The following CYP2A13 variants were observed in gnomAD, a reference collection of about 807,000 sequenced individuals.
CYP2A13 encodes the protein cytochrome P450 2A13.
CYP2A13 carries 30 observed loss-of-function variants against 39.4 expected under a neutral mutation model. The observed-to-expected ratio is 0.76, with a 90% CI of 0.57 to 1.03. CYP2A13 has a LOEUF of 1.03. Among genes scored for constraint, CYP2A13 ranks in the 50% least tolerant of loss-of-function variants. The pLI, the probability that CYP2A13 is intolerant of heterozygous loss-of-function variation, is 0.00. For missense variants in CYP2A13, 731 were observed against 648.4 expected, an observed-to-expected ratio of 1.13 and a Z score of -1.38; for synonymous variants, 269 against 254.7, an observed-to-expected ratio of 1.06 and a Z score of -0.54.
intron 8 of CYP2A13, 94 bp from the exon 9 acceptor site, chr19:41,095,666 C>T: frequency 1.3e-6 from 2 of 1,496,180 alleles, no homozygotes; most frequent in Non-Finnish European, 1.8e-6. Flanking sequence ...ATATTCCACC[C>T]CTCCTCCCTA....
At chr19:41,094,837 C>T in intron 7 of CYP2A13, 122 bp from the exon 8 acceptor site, 1 of 1,145,112 alleles carries the variant, frequency 8.7e-7, no homozygotes, top group South Asian at 1.4e-5. Flanking sequence ...CAGAGGTCCC[C>T]AACTCCTCCA....
intron 5 of CYP2A13, 138 bp from the exon 6 acceptor site, chr19:41,093,492 G>A: frequency 2.0e-6 from 2 of 1,005,390 alleles, no homozygotes; most frequent in East Asian, 2.6e-5. Context: ...GCTGGAACCT[G>A]GAGCGAGTTT....
At chr19:41,089,840 C>G (rs1305754701) in intron 2 of CYP2A13, among the ~76,000 whole-genome samples, 45 of 129,936 alleles carry the variant, frequency 3.5e-4, no homozygotes, top group Admixed American at 8.0e-4. Flanking sequence ...CTCTCTCTCT[C>G]TCTCTCTCTC....
chr19:41,094,236 C>CT lies in CYP2A13; in HGVS notation c.974-8dup, dbSNP rs567893359. 208 of 1,613,578 alleles carry CT rather than the reference C, an allele frequency of 1.3e-4. 1 individual carries two copies. Among genetic ancestry groups the CT allele is most frequent in the Non-Finnish European group, 1.6e-4 (194 of 1,179,628 alleles). On this transcript the variant is annotated splice_polypyrimidine_tract_variant and intron_variant, in intron 6 of 8. Transcript: ENST00000330436. ...CTAGACACCTAAACACATTCCCCTCCTCCCCCAGCCAAGGTCCATGAGGAG... is the reference window on the plus strand; with the variant it reads ...CTAGACACCTAAACACATTCCCCTCCTTCCCCCAGCCAAGGTCCATGAGGAG...
At chr19:41,095,143 C>A in intron 8 of CYP2A13, 43 bp downstream of exon 8, 1 of 1,613,924 alleles carries the variant, frequency 6.2e-7, no homozygotes, top group Non-Finnish European at 8.5e-7. Flanking sequence ...CTCACACCAG[C>A]AGGGGCCTCT....
chr19:41,089,860 CT>C (rs1568366729), intron 2 of CYP2A13, among the ~76,000 whole-genome samples, 186 bp from the exon 3 acceptor site: 3 of 103,936 alleles, frequency 2.9e-5, no homozygotes, highest in African/African-American at 1.2e-4. Context: ...CTCTCTCTCT[CT>C]CTCTCTCTCT....
chr19:41,090,466 G>C lies in CYP2A13; in HGVS notation c.556G>C (p.Val186Leu). ...RTVSNVISSI[V>L]FGDRFDYEDK... ...AGTCTCCAATGTCATCAGCTCCATT[G>C]TCTTTGGGGACCGCTTTGACTATGA... Residue 186 changes from valine to leucine, a missense_variant, in exon 4 of 9, where the codon GTC (valine) becomes CTC (leucine). Coordinates refer to ENST00000330436, the MANE Select transcript of CYP2A13 (RefSeq NM_000766.5). 6.2e-7 allele frequency: 1 copy of C among 1,614,138 alleles called. No individual in the cohort carries two copies. The highest frequency in any genetic ancestry group is 8.5e-7 in the Non-Finnish European group (1 of 1,180,022).
chr19:41,089,799 A>C (rs947581578), intron 2 of CYP2A13, among the ~76,000 whole-genome samples: 98 of 54,752 alleles, frequency 1.8e-3, no homozygotes, highest in South Asian at 2.8e-3. Flanking sequence ...TATTCTTTCT[A>C]CCCGGTCTCT....
intron 8 of CYP2A13, 26 bp downstream of exon 8, chr19:41,095,126 G>C: frequency 6.2e-7 from 1 of 1,613,968 alleles, no homozygotes; most frequent in Non-Finnish European, 8.5e-7. Flanking sequence ...TTGCTGCCAG[G>C]CCACGGCTCA....
chr19:41,094,454 C>A (rs2031258731), intron 7 of CYP2A13, 22 bp downstream of exon 7: 1 of 1,613,810 alleles, frequency 6.2e-7, no homozygotes, highest in Non-Finnish European at 8.5e-7. Context: ...CCTCCACCAC[C>A]ACCACTCAGA....
rs531621850 is a variant in CYP2A13, at chr19:41,090,409, A to C, written c.499A>C (p.Asn167His). ...IDALRGTHGA[N>H]IDPTFFLSRT... ...TTCTCCCGCCACACCTGCAGGCGCC[A>C]ATATCGATCCCACCTTCTTCCTGAG... Residue 167 changes from asparagine (N) to histidine (H), a missense_variant, in exon 4 of 9, where the codon AAT (asparagine) becomes CAT (histidine). By Grantham distance (68) the Asn-to-His change is moderately conservative. Transcript: ENST00000330436. 2.8e-5 allele frequency: 46 copies of C among 1,614,050 alleles called. No homozygotes were observed. In the Admixed American group the frequency reaches 6.8e-4, roughly 24 times the overall value.
chr19:41,096,145 C>T lies in CYP2A13; in HGVS notation c.*204C>T, dbSNP rs2144729398. ...GAGCTGTGATGAGAGGAAGGGAAAC[C>T]TTACAGTATGCTACAAAGAGTAGTA... On this transcript the variant is annotated 3_prime_UTR_variant, in exon 9 of 9. Coordinates refer to ENST00000330436, the MANE Select transcript of CYP2A13 (RefSeq NM_000766.5). 1 of 721,358 alleles carries T rather than the reference C, an allele frequency of 1.4e-6. No individual in the cohort carries two copies. Among genetic ancestry groups the T allele is most frequent in the South Asian group, 1.9e-5 (1 of 52,718 alleles). The allele number at this position is 721,358 out of a possible 1,614,324, so 44.7% of individuals were successfully genotyped here. A position where few individuals can be genotyped will look rare whatever the true frequency, so the allele number is the denominator to read the frequency against.
chr19:41,094,379 T>A lies in CYP2A13; in HGVS notation c.1108T>A (p.Leu370Met), dbSNP rs778177355. 1.9e-6 allele frequency: 3 copies of A among 1,613,950 alleles called. No homozygotes were observed. In the African/African-American group the frequency reaches 4.0e-5, roughly 22 times the overall value. Residue 370 changes from leucine to methionine, a missense_variant, in exon 7 of 9, where the codon TTG becomes ATG. Physicochemically the swap from Leu to Met is conservative, Grantham distance 15. Transcript: ENST00000330436. ...QRFGDMLPMG[L>M]AHRVNKDTKF... ...ATTTGGAGACATGCTCCCCATGGGTTTGGCCCACAGGGTCAACAAGGACAC... is the reference window on the plus strand; with the variant it reads ...ATTTGGAGACATGCTCCCCATGGGTATGGCCCACAGGGTCAACAAGGACAC...
rs752348205 is a variant in CYP2A13, at chr19:41,089,804, GTC to G, written c.344-176_344-175del. Among the ~76,000 whole-genome samples, 36 of 26,560 alleles carry G rather than the reference GTC, an allele frequency of 1.4e-3. 1 individual carries two copies. Among genetic ancestry groups the G allele is most frequent in the East Asian group, 0.01 (10 of 980 alleles). 17.4% of individuals were successfully genotyped at this position (26,560 alleles called of 152,430 possible). On this transcript the variant is annotated intron_variant, in intron 2 of 8. Transcript: ENST00000330436. Reference sequence around the variant, plus strand: ...CTGATTCTCTTATTCTTTCTACCCGGTCTCTCTCTCTCTCTCTCTCTCTCTCT... The same window carrying G: ...CTGATTCTCTTATTCTTTCTACCCGGTCTCTCTCTCTCTCTCTCTCTCTCT...
intron 5 of CYP2A13, 71 bp downstream of exon 5, chr19:41,091,979 G>A: frequency 6.3e-7 from 1 of 1,587,346 alleles, no homozygotes; most frequent in South Asian, 1.2e-5. Flanking sequence ...AGTGGGGTGG[G>A]CAGACGACAC....
At position 41,094,276 on chromosome 19, in the gene CYP2A13, C is replaced by G. The variant is rs367546841; in HGVS notation, c.1005C>G (p.Ile335Met). 18 of 1,613,950 alleles carry G rather than the reference C, an allele frequency of 1.1e-5. No homozygotes were observed. In the African/African-American group the frequency reaches 2.3e-4, roughly 20 times the overall value. Residue 335 changes from isoleucine (I) to methionine (M), a missense_variant, in exon 7 of 9, where the codon ATC becomes ATG. Coordinates refer to ENST00000330436, the MANE Select transcript of CYP2A13 (RefSeq NM_000766.5). ...TCCATGAGGAGATTGACAGAGTGATCGGCAAGAACCGGCAGCCCAAGTTTG... is the reference window on the plus strand; with the variant it reads ...TCCATGAGGAGATTGACAGAGTGATGGGCAAGAACCGGCAGCCCAAGTTTG... ...AKVHEEIDRV[I>M]GKNRQPKFED... is the part of the protein sequence containing the mutation.
In CYP2A13 at chr19:41,095,801, C is replaced by G. The variant is rs776176577; in HGVS notation, c.1345C>G (p.Leu449Val). 6.2e-7 allele frequency: 1 copy of G among 1,614,118 alleles called. No homozygotes were observed. The highest frequency in any genetic ancestry group is 8.5e-7 in the Non-Finnish European group (1 of 1,179,986). ...TGGAGAAGGCCTGGCCAGAATGGAG[C>G]TCTTTCTCTTCTTCACCACCATCAT... is the stretch of plus-strand genomic sequence containing the variant. ...CFGEGLARME[L>V]FLFFTTIMQN... The change falls in exon 9 of 9, where the codon CTC becomes GTC. Residue 449 changes from leucine to valine, a missense_variant. Leu to Val is a conservative substitution (Grantham distance 32). Coordinates refer to ENST00000330436, the MANE Select transcript of CYP2A13 (RefSeq NM_000766.5).
intron 4 of CYP2A13, among the ~76,000 whole-genome samples, chr19:41,090,888 GTTC>G (rs1446912335): frequency 6.6e-6 from 1 of 152,174 alleles, no homozygotes; most frequent in Non-Finnish European, 1.5e-5. Flanking sequence ...TCCCTACCCA[GTTC>G]TTCTGAATAT....
At position 41,090,111 on chromosome 19, in the gene CYP2A13, G is replaced by A. The variant is rs372587042; in HGVS notation, c.408G>A (p.Arg136=). The A allele has an allele frequency of 1.5e-5, 24 of 1,609,522 alleles. No homozygotes were observed. In the African/African-American group the frequency reaches 2.4e-4, roughly 16 times the overall value. ...QLRRFSIATL[R]GFGVGKRGIE... is the part of the protein sequence containing the mutation. Reference sequence around the variant, plus strand: ...GGCGCTTCTCCATCGCCACCCTAAGGGGTTTTGGCGTGGGCAAGCGCGGCA... The same window carrying A: ...GGCGCTTCTCCATCGCCACCCTAAGAGGTTTTGGCGTGGGCAAGCGCGGCA... Residue 136 remains arginine (R), a synonymous_variant, in exon 3 of 9, where the codon AGG becomes AGA. Transcript: ENST00000330436.
Sources: gnomAD v4.1 joint callset for allele counts (sites outside exome capture counted in the v4.1 genomes callset) on GRCh38, gnomAD v4.1.1 for gene constraint, MANE v1.5 for transcripts, NCBI Gene and HGNC (gene_info 2026-07-23, HGNC 2026-07-21) for gene names.